RANBP2: variants seen among roughly 807,000 people sequenced by gnomAD.
The protein encoded by RANBP2 is RAN binding protein 2.
A neutral mutation model predicts 303.6 loss-of-function variants in RANBP2; 57 were observed. That is an observed-to-expected ratio of 0.19 (90% confidence interval 0.15 to 0.23). RANBP2 has a LOEUF of 0.23. Among genes scored for constraint, RANBP2 ranks in the 10% least tolerant of loss-of-function variants. The pLI is 1.00. For synonymous variants in RANBP2, 1,167 were observed against 1,301.5 expected (o/e 0.90, Z 2.23); for missense variants, 3,138 against 3,780.8 (o/e 0.83, Z 4.46).
chr2:109,349,133 T>G, the RANBP2 span, among the ~76,000 whole-genome samples: 5 of 149,232 alleles, frequency 3.4e-5, no homozygotes, highest in South Asian at 1.1e-3. Context: ...TGAGAGGCCA[T>G]TGCTCTCTCC....
At chr2:109,682,015 G>A in the RANBP2 span, among the ~76,000 whole-genome samples, 13 of 152,188 alleles carry the variant, frequency 8.5e-5, no homozygotes, top group Non-Finnish European at 1.0e-4. Context: ...TGATCTGGTT[G>A]GTCTGAGGTG....
the RANBP2 span, among the ~76,000 whole-genome samples, chr2:108,948,530 C>T: frequency 6.6e-6 from 1 of 152,186 alleles, no homozygotes; most frequent in Non-Finnish European, 1.5e-5. Flanking sequence ...AATTGATTCA[C>T]AGTTCTGAAT....
At chr2:108,748,892 A>C (rs1384739577) in intron 8 of RANBP2, 28 bp from the exon 9 acceptor site, 1 of 1,611,866 alleles carries the variant, frequency 6.2e-7, no homozygotes, top group Non-Finnish European at 8.5e-7. Context: ...TTTTAAAGTG[A>C]TGGAAATAAC....
chr2:109,197,598 G>A, the RANBP2 span, among the ~76,000 whole-genome samples: 33 of 152,308 alleles, frequency 2.2e-4, no homozygotes, highest in East Asian at 4.5e-3. Flanking sequence ...CCTGTGCTTG[G>A]GGTTTAATGC....
the RANBP2 span, among the ~76,000 whole-genome samples, chr2:109,517,162 G>A: frequency 2.0e-5 from 3 of 151,754 alleles, no homozygotes; most frequent in East Asian, 1.9e-4. Context: ...AGGGTCACCC[G>A]GAATGTGCAA....
downstream of RANBP2, among the ~76,000 whole-genome samples, chr2:108,789,626 A>T (rs928322406): frequency 2.0e-5 from 3 of 152,136 alleles, no homozygotes; most frequent in African/African-American, 4.8e-5. Flanking sequence ...AAAAACTGCC[A>T]TACAGGTTTT....
At chr2:108,959,687 T>C in the RANBP2 span, among the ~76,000 whole-genome samples, 8 of 152,144 alleles carry the variant, frequency 5.3e-5, no homozygotes, top group African/African-American at 1.9e-4. Flanking sequence ...GAATGGCTGC[T>C]GGGGCCGTGG....
the RANBP2 span, among the ~76,000 whole-genome samples, chr2:109,075,618 T>C: frequency 7.1e-5 from 8 of 112,508 alleles, no homozygotes; most frequent in African/African-American, 2.6e-4. Context: ...TTCAAATAAA[T>C]GAAATAAAAA....
chr2:108,938,699 GA>G, the RANBP2 span, among the ~76,000 whole-genome samples: 1 of 152,072 alleles, frequency 6.6e-6, no homozygotes, highest in Non-Finnish European at 1.5e-5. Flanking sequence ...AAAATTGAGG[GA>G]AAGCATTTTC....
At chr2:109,358,871 T>G in the RANBP2 span, among the ~76,000 whole-genome samples, 1 of 152,244 alleles carries the variant, frequency 6.6e-6, no homozygotes, top group Admixed American at 6.5e-5. Flanking sequence ...CCCAAGATCA[T>G]CTAGATTTTC....
the RANBP2 span, among the ~76,000 whole-genome samples, chr2:109,718,706 G>T: frequency 6.6e-6 from 1 of 152,062 alleles, no homozygotes; most frequent in Admixed American, 6.6e-5. Context: ...ACGGCCAGGC[G>T]CAGTGGCTCA....
chr2:109,126,937 G>T, the RANBP2 span, among the ~76,000 whole-genome samples: 1 of 152,184 alleles, frequency 6.6e-6, no homozygotes, highest in African/African-American at 2.4e-5. Flanking sequence ...TCTGCTCTTG[G>T]ATCAAGCATC....
chr2:108,867,557 A>G, the RANBP2 span, among the ~76,000 whole-genome samples: 2 of 152,034 alleles, frequency 1.3e-5, no homozygotes, highest in African/African-American at 4.8e-5. Flanking sequence ...GCAAGTTCCT[A>G]CTCATCTTTC....
intron 1 of RANBP2, among the ~76,000 whole-genome samples, chr2:108,727,495 A>G (rs1694821403): frequency 6.6e-6 from 1 of 151,808 alleles, no homozygotes; most frequent in Non-Finnish European, 1.5e-5. Flanking sequence ...GTTTGATACT[A>G]TTCATCGTTT....
chr2:109,527,299 C>T, the RANBP2 span, among the ~76,000 whole-genome samples: 1 of 152,202 alleles, frequency 6.6e-6, no homozygotes, highest in Admixed American at 6.5e-5. Context: ...TCTGGAAAAC[C>T]AGTTGCTTGC....
In RANBP2 at chr2:108,767,498, T is replaced by TCC; in HGVS notation, c.6959_6960insCC (p.Glu2321LeufsTer38). The stretch of plus-strand genomic sequence containing the variant: ...CCTGTTGTTCCTTTACCTGATCTAG[T>TCC]TGAAGTATCCAGTGGTGAGGAAAAT... On this transcript the variant is annotated frameshift_variant, in exon 20 of 29. Coordinates refer to ENST00000283195, the MANE Select transcript of RANBP2 (RefSeq NM_006267.5). LOFTEE classifies it high-confidence loss of function. 1 of 1,611,952 alleles carries TCC rather than the reference T, an allele frequency of 6.2e-7. No homozygotes were observed. The highest frequency in any genetic ancestry group is 8.5e-7 in the Non-Finnish European group (1 of 1,179,850).
At chr2:109,422,864 C>T in the RANBP2 span, among the ~76,000 whole-genome samples, 5 of 152,148 alleles carry the variant, frequency 3.3e-5, no homozygotes, top group Non-Finnish European at 7.3e-5. Context: ...GGGCATAGGG[C>T]TACCCTGCAG....
rs886420056 is a variant in RANBP2, at chr2:108,785,400, A to C, written c.*1499A>C. ...ATCTATGTAATATAAACTGATGTAA[A>C]GTGTGTTGTAACTTTTCAGCTGAGA... On this transcript the variant is annotated 3_prime_UTR_variant, in exon 29 of 29. Transcript: ENST00000283195. The C allele has an allele frequency of 6.6e-5, 10 of 152,204 alleles. No individual in the cohort carries two copies. The highest frequency in any genetic ancestry group is 2.4e-4 in the African/African-American group (10 of 41,454). The allele number at this position is 152,204 out of a possible 1,614,324, so 9.4% of individuals were successfully genotyped here. A position where few individuals can be genotyped will look rare whatever the true frequency, so the allele number is the denominator to read the frequency against.
the RANBP2 span, among the ~76,000 whole-genome samples, chr2:108,834,839 G>A: frequency 1.3e-5 from 2 of 152,156 alleles, no homozygotes; most frequent in South Asian, 2.1e-4. Flanking sequence ...TCTCATGTAA[G>A]TGGCACCACA....
Sources: allele counts gnomAD v4.1 joint callset (sites outside exome capture counted in the v4.1 genomes callset), GRCh38; gene constraint gnomAD v4.1.1; transcripts MANE v1.5; gene names NCBI Gene and HGNC (gene_info 2026-07-23, HGNC 2026-07-21).